The following SYNPO2 variants were observed in gnomAD, a reference collection of about 807,000 sequenced individuals.
SYNPO2 encodes the protein synaptopodin-2.
In SYNPO2, 56 loss-of-function variants were observed where a neutral mutation model predicts 85.0. The ratio of observed to expected loss-of-function variants is 0.66; its 90% CI spans 0.53 to 0.82. The LOEUF is 0.82. Ranked by LOEUF, SYNPO2 falls within the 40% of genes least tolerant of loss-of-function variation. SYNPO2 has a pLI of 0.00. For missense variants in SYNPO2, 1,575 were observed against 1,534.2 expected (o/e 1.03, Z -0.44); for synonymous variants, 602 against 591.1 (o/e 1.02, Z -0.27).
At position 119,030,419 on chromosome 4, in the gene SYNPO2, C is replaced by G. The variant is rs766002492; in HGVS notation, c.1644C>G (p.Ser548Arg). Residue 548 changes from serine (S) to arginine (R), a missense_variant, in exon 4 of 5, where the codon AGC becomes AGG. By Grantham distance (110) the Ser-to-Arg change is moderately radical (BLOSUM62 -1). Around this residue, in one of 3 missense-constraint regions of SYNPO2, gnomAD observed 1,508 missense variants for 1,446.8 expected, o/e 1.04. Coordinates refer to ENST00000307142, the MANE Select transcript of SYNPO2 (RefSeq NM_133477.3). ...RKEEESVRTQ[S>R]SVSKSYIEVS... ...AGGAAGAGTCGGTAAGAACGCAGAG[C>G]TCTGTGAGCAAAAGCTACATCGAGG... The G allele has an allele frequency of 1.2e-6, 2 of 1,614,170 alleles. No individual in the cohort carries two copies. The highest frequency in any genetic ancestry group is 2.2e-5 in the South Asian group (2 of 91,078).
In SYNPO2 at chr4:119,034,189, G is replaced by C. The variant is rs958374662; in HGVS notation, c.3252+2162G>C. On this transcript the variant is annotated intron_variant, in intron 4 of 4. Coordinates refer to ENST00000307142, the MANE Select transcript of SYNPO2 (RefSeq NM_133477.3). The stretch of plus-strand genomic sequence containing the variant: ...CTTTTCTAATAGAACAACCAAAAAA[G>C]GCTTCTTATGGTGCAGCAGGAAAAA... The C allele has an allele frequency of 2.3e-5, 23 of 985,242 alleles. 1 individual carries two copies. The highest frequency in any genetic ancestry group is 2.8e-5 in the Non-Finnish European group (23 of 829,928). 61.0% of individuals were successfully genotyped at this position (985,242 alleles called of 1,614,324 possible). A position where few individuals can be genotyped will look rare whatever the true frequency, so the allele number is the denominator to read the frequency against.
intron 1 of SYNPO2, among the ~76,000 whole-genome samples, chr4:118,878,431 C>T (rs187984038): frequency 6.6e-6 from 1 of 152,216 alleles, no homozygotes; most frequent in East Asian, 1.9e-4. Context: ...TACTTCAACC[C>T]TAGTTCTCCA....
chr4:118,972,694 G>A (rs796822901), intron 1 of SYNPO2, among the ~76,000 whole-genome samples: 3 of 152,238 alleles, frequency 2.0e-5, no homozygotes, highest in African/African-American at 7.2e-5. Flanking sequence ...TACAGAGTCA[G>A]CAAGGGTGAA....
chr4:118,916,654 T>C (rs923353177), intron 1 of SYNPO2, among the ~76,000 whole-genome samples: 2 of 151,672 alleles, frequency 1.3e-5, no homozygotes, highest in Non-Finnish European at 2.9e-5. Flanking sequence ...TATTCTTAGA[T>C]ATAATGCTGT....
chr4:119,007,216 GTATATATATATATATATATA>G (rs66895824), intron 1 of SYNPO2, among the ~76,000 whole-genome samples: 8 of 46,280 alleles, frequency 1.7e-4, no homozygotes, highest in Non-Finnish European at 2.2e-4. Flanking sequence ...AAGAACAAAG[GTATATATATATATATATATA>G]TATATATATG....
intron 1 of SYNPO2, among the ~76,000 whole-genome samples, chr4:118,905,676 C>T (rs760904899): frequency 1.3e-4 from 20 of 152,024 alleles, no homozygotes; most frequent in Non-Finnish European, 2.1e-4. Context: ...TGTACTTATC[C>T]TCCTCCCTTT....
In SYNPO2 at chr4:119,027,170, G is replaced by A. The variant is rs1578656375; in HGVS notation, c.801G>A (p.Glu267=). 6.2e-7 allele frequency: 1 copy of A among 1,614,202 alleles called. No homozygotes were observed. The highest frequency in any genetic ancestry group is 8.5e-7 in the Non-Finnish European group (1 of 1,180,050). The change falls in exon 3 of 5, where the codon GAG becomes GAA. Residue 267 remains glutamate, a synonymous_variant. Coordinates refer to ENST00000307142, the MANE Select transcript of SYNPO2 (RefSeq NM_133477.3). The stretch of plus-strand genomic sequence containing the variant: ...TAATCCAGATCTCCAGTGGCAGAGA[G>A]TTGAGAGTGATCCAGGAAAGTGAAG... The part of the protein sequence containing the change: ...SKIIQISSGR[E]LRVIQESEAG...
chr4:118,926,446 G>A (rs1733714068), intron 1 of SYNPO2, among the ~76,000 whole-genome samples: 1 of 152,136 alleles, frequency 6.6e-6, no homozygotes, highest in African/African-American at 2.4e-5. Flanking sequence ...GTTAAGAAAT[G>A]TTTAGGTAAT....
intron 1 of SYNPO2, among the ~76,000 whole-genome samples, chr4:118,856,168 T>C (rs993508964): frequency 1.3e-5 from 2 of 152,214 alleles, no homozygotes; most frequent in African/African-American, 4.8e-5. Context: ...TTTTTCAGCT[T>C]TATCCTAAGT....
At chr4:118,900,703 CTATATATATATA>C (rs373144800) in intron 1 of SYNPO2, among the ~76,000 whole-genome samples, 44 of 43,892 alleles carry the variant, frequency 1.0e-3, no homozygotes, top group South Asian at 1.9e-3. Context: ...CTCTCTCTCT[CTATATATATATA>C]TATATATATA....
chr4:118,972,533 A>G (rs1735577547), intron 1 of SYNPO2, among the ~76,000 whole-genome samples: 1 of 152,100 alleles, frequency 6.6e-6, no homozygotes, highest in African/African-American at 2.4e-5. Context: ...CTTTTTATGT[A>G]TTTTTTTCTT....
intron 1 of SYNPO2, among the ~76,000 whole-genome samples, chr4:118,877,966 C>T (rs115872176): frequency 3.2e-3 from 482 of 152,114 alleles, no homozygotes; most frequent in Non-Finnish European, 6.0e-3. Context: ...TCTAAATGCC[C>T]GTCAACATTA....
intron 1 of SYNPO2, among the ~76,000 whole-genome samples, chr4:118,957,263 T>C (rs985390342): frequency 6.6e-6 from 1 of 152,148 alleles, no homozygotes. Flanking sequence ...ACCTACTGAA[T>C]GCTTCTAATT....
intron 1 of SYNPO2, among the ~76,000 whole-genome samples, chr4:118,940,214 G>A (rs1302899607): frequency 2.6e-5 from 4 of 151,652 alleles, no homozygotes; most frequent in African/African-American, 7.3e-5. Context: ...TCGATCTCTC[G>A]ACCTCATGAT....
chr4:119,053,091 C>T (rs187760386), intron 4 of SYNPO2, among the ~76,000 whole-genome samples: 1 of 152,294 alleles, frequency 6.6e-6, no homozygotes, highest in Non-Finnish European at 1.5e-5. Context: ...AAAAGAAACA[C>T]CTCTGTTACT....
In SYNPO2 at chr4:119,031,214, C is replaced by T; in HGVS notation, c.2439C>T (p.Tyr813=). 1 of 1,614,176 alleles carries T rather than the reference C, an allele frequency of 6.2e-7. No homozygotes were observed. The highest frequency in any genetic ancestry group is 1.1e-5 in the South Asian group (1 of 91,084). ...VSSIKIAQPS[Y]PPARPASTLN... ...CCATCAAAATAGCCCAGCCTTCTTA[C>T]CCTCCTGCCCGGCCTGCAAGTACTT... Residue 813 remains tyrosine, a synonymous_variant, in exon 4 of 5, where the codon TAC becomes TAT. Coordinates refer to ENST00000307142, the MANE Select transcript of SYNPO2 (RefSeq NM_133477.3).
At chr4:118,863,968 C>T (rs140785263) in intron 1 of SYNPO2, among the ~76,000 whole-genome samples, 1 of 152,074 alleles carries the variant, frequency 6.6e-6, no homozygotes, top group Admixed American at 6.6e-5. Flanking sequence ...ATGCTCTGAT[C>T]TTTATTATTT....
At position 119,059,132 on chromosome 4, in the gene SYNPO2, A is replaced by T. The variant is rs1352801767; in HGVS notation, c.*1198A>T. The T allele has an allele frequency of 6.6e-6, 1 of 152,098 alleles. No homozygotes were observed. Among genetic ancestry groups the T allele is most frequent in the Non-Finnish European group, 1.5e-5 (1 of 68,022 alleles). The allele number at this position is 152,098 out of a possible 1,614,324, so 9.4% of individuals were successfully genotyped here. A position where few individuals can be genotyped will look rare whatever the true frequency, so the allele number is the denominator to read the frequency against. Reference sequence around the variant, plus strand: ...AATATCAGATTATGTTTAGGAGTGGATTAGGTAATTAGTGTCACTACATGT... The same window carrying T: ...AATATCAGATTATGTTTAGGAGTGGTTTAGGTAATTAGTGTCACTACATGT... On this transcript the variant is annotated 3_prime_UTR_variant, in exon 5 of 5. Transcript: ENST00000307142.
chr4:118,876,649 TC>T (rs1731914288), intron 1 of SYNPO2, among the ~76,000 whole-genome samples: 2 of 144,612 alleles, frequency 1.4e-5, no homozygotes, highest in Non-Finnish European at 1.6e-5. Flanking sequence ...CTTCCTTTCT[TC>T]CTTCCTTCCT....
Sources: gnomAD v4.1 joint callset for allele counts (sites outside exome capture counted in the v4.1 genomes callset) on GRCh38, gnomAD v4.1.1 for gene constraint, gnomAD v4.1.1 regional missense constraint, MANE v1.5 for transcripts, NCBI Gene and HGNC (gene_info 2026-07-23, HGNC 2026-07-21) for gene names.